Variants in FGF12 observed in about 807,000 individuals in gnomAD.
FGF12 encodes the protein fibroblast growth factor 12B.
FGF12 carries 14 observed loss-of-function variants against 23.6 expected under a neutral mutation model. That is an observed-to-expected ratio of 0.59 (90% CI 0.39 to 0.93). FGF12 has a LOEUF of 0.93. Ranked by LOEUF, FGF12 falls within the 40% of genes least tolerant of loss-of-function variation. The probability of loss-of-function intolerance (pLI) is 0.00; values close to 1 mark genes in which losing one functional copy is unlikely to be tolerated. For synonymous variants in FGF12, 62 were observed against 77.3 expected (o/e 0.80, Z 1.04); for missense variants, 175 against 217.8 (o/e 0.80, Z 1.24).
intron 4 of FGF12, among the ~76,000 whole-genome samples, chr3:192,176,650 C>T (rs1339730750): frequency 1.3e-5 from 2 of 152,166 alleles, no homozygotes; most frequent in Non-Finnish European, 2.9e-5. Flanking sequence ...CAATAATTCT[C>T]ACATTAAAAA....
chr3:192,244,390 G>A (rs879303219), intron 4 of FGF12, among the ~76,000 whole-genome samples: 4 of 152,012 alleles, frequency 2.6e-5, no homozygotes, highest in African/African-American at 7.2e-5. Context: ...GTACTGATTC[G>A]GAATAATCTC....
intron 2 of FGF12, among the ~76,000 whole-genome samples, chr3:192,605,570 G>A (rs1385917178): frequency 6.6e-6 from 1 of 151,944 alleles, no homozygotes; most frequent in Non-Finnish European, 1.5e-5. Context: ...CTACAGAAAG[G>A]GAGAAAATAT....
In FGF12 at chr3:192,364,066, G is replaced by A. The variant is rs78815304; in HGVS notation, c.14-3528C>T. ...AAGGTTGGGATAAGGCACTTCATCTGTCACTTAAAGAATGAGTAGGATTGC... is the reference window on the plus strand; with the variant it reads ...AAGGTTGGGATAAGGCACTTCATCTATCACTTAAAGAATGAGTAGGATTGC... On this transcript the variant is annotated intron_variant, in intron 2 of 5. Transcript: ENST00000445105. 3.7e-3 allele frequency among the ~76,000 whole-genome samples: 567 copies of A among 152,300 alleles called. 5 individuals are homozygous for A. The highest frequency in any genetic ancestry group is 0.011 in the African/African-American group (461 of 41,582).
chr3:192,727,149 C>A lies in FGF12; in HGVS notation c.13+32G>T, dbSNP rs376355080. The A allele has an allele frequency of 5.7e-6, 9 of 1,569,232 alleles. No homozygotes were observed. The African/African-American group carries it at 1.2e-4, about 21-fold the overall frequency. ...TTGCCTTGGCCACACGCACATGCAGCGGGAAGTCCCCCGATAGGGACAACC... is the reference window on the plus strand; with the variant it reads ...TTGCCTTGGCCACACGCACATGCAGAGGGAAGTCCCCCGATAGGGACAACC... On this transcript the variant is annotated intron_variant, in intron 2 of 5. Transcript: ENST00000445105.
intron 2 of FGF12, among the ~76,000 whole-genome samples, chr3:192,584,077 G>A (rs1373292815): frequency 6.6e-6 from 1 of 152,198 alleles, no homozygotes; most frequent in Non-Finnish European, 1.5e-5. Context: ...AAGAGACGTG[G>A]AACTGGCTTC....
chr3:192,483,367 G>C (rs144579316), intron 2 of FGF12, among the ~76,000 whole-genome samples: 257 of 152,032 alleles, frequency 1.7e-3, no homozygotes, highest in Non-Finnish European at 2.8e-3. Flanking sequence ...TTTGTAACTT[G>C]CTTGCTCTTA....
At chr3:192,181,369 A>G (rs1716162941) in intron 4 of FGF12, among the ~76,000 whole-genome samples, 1 of 143,420 alleles carries the variant, frequency 7.0e-6, no homozygotes, top group African/African-American at 2.8e-5. Context: ...ACACAGACAC[A>G]CACACACAGA....
chr3:192,583,074 T>C (rs895809237), intron 2 of FGF12, among the ~76,000 whole-genome samples: 4 of 152,242 alleles, frequency 2.6e-5, no homozygotes, highest in Non-Finnish European at 5.9e-5. Flanking sequence ...ATCTCCTCCA[T>C]GAAGAGATCC....
At chr3:192,559,531 C>T (rs1711925307) in intron 2 of FGF12, among the ~76,000 whole-genome samples, 1 of 151,728 alleles carries the variant, frequency 6.6e-6, no homozygotes, top group Non-Finnish European at 1.5e-5. Flanking sequence ...ATAGAATGTA[C>T]AACACTAAGC....
chr3:192,665,921 G>A (rs888462600), intron 2 of FGF12, among the ~76,000 whole-genome samples: 9 of 152,294 alleles, frequency 5.9e-5, no homozygotes, highest in East Asian at 5.8e-4. Flanking sequence ...TGGTGAAATT[G>A]AATTGATTCT....
At chr3:192,430,621 C>A (rs925750349) in intron 2 of FGF12, among the ~76,000 whole-genome samples, 2 of 152,182 alleles carry the variant, frequency 1.3e-5, no homozygotes, top group African/African-American at 2.4e-5. Flanking sequence ...ATAGTTACCA[C>A]ACAATGTACA....
intron 5 of FGF12, among the ~76,000 whole-genome samples, chr3:192,144,750 A>AT (rs1713600488): frequency 1.3e-5 from 2 of 152,236 alleles, no homozygotes; most frequent in African/African-American, 4.8e-5. Flanking sequence ...TCATATCTAT[A>AT]TAAACCGTTC....
chr3:192,709,347 T>A (rs1349737579), intron 2 of FGF12, among the ~76,000 whole-genome samples: 1 of 152,224 alleles, frequency 6.6e-6, no homozygotes, highest in Non-Finnish European at 1.5e-5. Flanking sequence ...GAGTCCTGTA[T>A]CTGTATCCAA....
intron 2 of FGF12, among the ~76,000 whole-genome samples, chr3:192,581,263 T>C (rs1485997555): frequency 6.6e-6 from 1 of 151,936 alleles, no homozygotes; most frequent in Admixed American, 6.6e-5. Context: ...TGTTAAAATA[T>C]ATTTCAACAC....
At chr3:192,321,900 T>C (rs114164458) in intron 4 of FGF12, among the ~76,000 whole-genome samples, 1,698 of 152,114 alleles carry the variant, frequency 0.011, 25 homozygotes, top group East Asian at 0.05. Context: ...TCTCTAAGAT[T>C]AGGGAACAAG....
At chr3:192,215,653 T>C (rs1718156251) in intron 4 of FGF12, among the ~76,000 whole-genome samples, 2 of 152,188 alleles carry the variant, frequency 1.3e-5, no homozygotes, top group African/African-American at 4.8e-5. Context: ...GTTAGGAAGT[T>C]CTCATTGTCT....
At chr3:192,511,139 G>A (rs945767205) in intron 2 of FGF12, among the ~76,000 whole-genome samples, 5 of 152,072 alleles carry the variant, frequency 3.3e-5, no homozygotes, top group African/African-American at 1.2e-4. Context: ...TAACGCAGAA[G>A]AGTCATAACT....
intron 2 of FGF12, among the ~76,000 whole-genome samples, chr3:192,447,314 C>A (rs1231609127): frequency 3.9e-5 from 6 of 152,062 alleles, no homozygotes; most frequent in African/African-American, 1.4e-4. Flanking sequence ...CAGATTGGTG[C>A]CATTTTCTAG....
intron 4 of FGF12, among the ~76,000 whole-genome samples, chr3:192,306,952 A>G (rs1715682118): frequency 6.6e-6 from 1 of 152,178 alleles, no homozygotes; most frequent in South Asian, 2.1e-4. Context: ...AAAAATATTT[A>G]TTTACTTAAA....
Sources: gnomAD v4.1 joint callset for allele counts (sites outside exome capture counted in the v4.1 genomes callset) on GRCh38, gnomAD v4.1.1 for gene constraint, MANE v1.5 for transcripts, NCBI Gene and HGNC (gene_info 2026-07-23, HGNC 2026-07-21) for gene names.